AGBL1: variants seen among roughly 807,000 people sequenced by gnomAD.
AGBL1 encodes the protein AGBL carboxypeptidase 1.
Under a neutral mutation model 118.9 loss-of-function variants are expected in AGBL1, and 130 were observed. The ratio of observed to expected loss-of-function variants is 1.09; its 90% CI spans 0.95 to 1.26. The LOEUF (loss-of-function observed/expected upper bound fraction) is 1.26, where lower values mean the gene tolerates loss of function less well. Ranked by LOEUF, AGBL1 falls within the 50% of genes most tolerant of loss-of-function variation. The probability of loss-of-function intolerance (pLI) is 0.00; values close to 1 mark genes in which losing one functional copy is unlikely to be tolerated. For synonymous variants in AGBL1, 555 were observed against 478.9 expected (o/e 1.16, Z -2.08); for missense variants, 1,584 against 1,298.1 (o/e 1.22, Z -3.38).
chr15:86,752,677 C>T (rs1265226192), intron 22 of AGBL1, among the ~76,000 whole-genome samples: 1 of 152,078 alleles, frequency 6.6e-6, no homozygotes, highest in Non-Finnish European at 1.5e-5. Flanking sequence ...ATTTTTCAGA[C>T]TGACATTAAG....
chr15:86,975,523 C>G (rs533533374), intron 23 of AGBL1, among the ~76,000 whole-genome samples: 2 of 152,154 alleles, frequency 1.3e-5, no homozygotes, highest in South Asian at 4.1e-4. Flanking sequence ...CAAGCCATAT[C>G]AAAGACAAAG....
intron 22 of AGBL1, among the ~76,000 whole-genome samples, chr15:86,883,967 A>T (rs373654894): frequency 6.6e-6 from 1 of 152,168 alleles, no homozygotes; most frequent in South Asian, 2.1e-4. Flanking sequence ...GAAACTGCAG[A>T]TAGTACTGAA....
intron 21 of AGBL1, among the ~76,000 whole-genome samples, chr15:86,610,778 ACG>A (rs1054941328): frequency 1.3e-5 from 2 of 151,908 alleles, no homozygotes; most frequent in Non-Finnish European, 2.9e-5. Flanking sequence ...TTCCCTAATC[ACG>A]TATTTTTTTT....
intron 6 of AGBL1, among the ~76,000 whole-genome samples, chr15:86,234,535 A>G (rs911962297): frequency 1.5e-5 from 2 of 135,792 alleles, no homozygotes; most frequent in Non-Finnish European, 3.1e-5. Context: ...TGGGCGACAG[A>G]GTGAGACTCT....
chr15:86,823,118 C>T (rs920433609), intron 22 of AGBL1, among the ~76,000 whole-genome samples: 1 of 152,092 alleles, frequency 6.6e-6, no homozygotes, highest in Non-Finnish European at 1.5e-5. Flanking sequence ...GTAATGAAAC[C>T]TGGAGTCACC....
rs944215904 is a variant in AGBL1 at position 86,199,538 on chromosome 15, C to T, written c.489-25376C>T. ...TGCTGGATGGTCCCCGTCTGGTCCTCGTGCACCTGAAGTGCTAACTTCCCA... is the reference window on the plus strand; with the variant it reads ...TGCTGGATGGTCCCCGTCTGGTCCTTGTGCACCTGAAGTGCTAACTTCCCA... On this transcript the variant is annotated intron_variant, in intron 5 of 22. Coordinates refer to ENST00000614907, the MANE Select transcript of AGBL1 (RefSeq NM_001386094.1). 3.9e-5 allele frequency among the ~76,000 whole-genome samples: 6 copies of T among 152,342 alleles called. No homozygotes were observed. The South Asian group carries it at 6.2e-4, about 16-fold the overall frequency.
chr15:86,919,600 A>ACACACACG (rs1555463061), downstream of AGBL1, among the ~76,000 whole-genome samples: 9 of 148,342 alleles, frequency 6.1e-5, no homozygotes, highest in Middle Eastern at 3.5e-3. Context: ...ACACACACAC[A>ACACACACG]CACACACACA....
chr15:86,172,407 G>A (rs77226600), intron 5 of AGBL1, among the ~76,000 whole-genome samples: 2,453 of 152,096 alleles, frequency 0.016, 30 homozygotes, highest in East Asian at 0.071. Flanking sequence ...AATAGATATC[G>A]TTGTTACCTA....
At chr15:86,484,974 C>A (rs1195282041) in intron 18 of AGBL1, among the ~76,000 whole-genome samples, 3 of 152,174 alleles carry the variant, frequency 2.0e-5, no homozygotes, top group African/African-American at 7.2e-5. Context: ...TTCCCACTTG[C>A]TAGTGCTTTG....
intron 5 of AGBL1, among the ~76,000 whole-genome samples, chr15:86,183,297 T>C (rs1183841391): frequency 2.6e-5 from 4 of 152,210 alleles, no homozygotes; most frequent in African/African-American, 4.8e-5. Context: ...CTCTATGACA[T>C]ATCAGTAAGT....
intron 17 of AGBL1, among the ~76,000 whole-genome samples, chr15:86,350,834 C>T (rs569399171): frequency 4.6e-5 from 7 of 152,324 alleles, no homozygotes; most frequent in African/African-American, 1.7e-4. Flanking sequence ...ACTCTGGCAG[C>T]TTCTCTGTGA....
chr15:86,344,206 A>G (rs557459927), intron 17 of AGBL1, among the ~76,000 whole-genome samples: 153 of 152,336 alleles, frequency 1.0e-3, no homozygotes, highest in African/African-American at 3.6e-3. Context: ...AAAAAGCAGA[A>G]TTGTACCACG....
intron 22 of AGBL1, among the ~76,000 whole-genome samples, chr15:86,887,703 C>G (rs1318069361): frequency 6.6e-6 from 1 of 152,116 alleles, no homozygotes; most frequent in Non-Finnish European, 1.5e-5. Context: ...GTTCCATGCA[C>G]CTCACCAAGA....
At chr15:86,952,048 T>C (rs927922910) in intron 23 of AGBL1, among the ~76,000 whole-genome samples, 9 of 152,066 alleles carry the variant, frequency 5.9e-5, no homozygotes, top group African/African-American at 1.9e-4. Context: ...CTGGTCGACA[T>C]GGTGAAACCC....
intron 18 of AGBL1, among the ~76,000 whole-genome samples, chr15:86,475,294 C>T (rs937080117): frequency 8.6e-5 from 13 of 152,032 alleles, no homozygotes; most frequent in South Asian, 2.1e-4. Context: ...GAAGGAAGTT[C>T]GAACCCACTG....
intron 21 of AGBL1, among the ~76,000 whole-genome samples, chr15:86,666,672 T>C (rs2085650544): frequency 6.6e-6 from 1 of 152,132 alleles, no homozygotes; most frequent in African/African-American, 2.4e-5. Flanking sequence ...GCTGCTGTTA[T>C]TGATAATAAT....
chr15:86,427,087 A>C (rs1283431484), intron 18 of AGBL1, among the ~76,000 whole-genome samples: 1 of 152,166 alleles, frequency 6.6e-6, no homozygotes, highest in Non-Finnish European at 1.5e-5. Flanking sequence ...AATTTGAGTC[A>C]AATGGAGATC....
At chr15:86,841,766 G>A (rs1282999188) in intron 22 of AGBL1, among the ~76,000 whole-genome samples, 2 of 152,168 alleles carry the variant, frequency 1.3e-5, no homozygotes, top group Non-Finnish European at 2.9e-5. Flanking sequence ...AGAATCGCTT[G>A]AACCAGAGAG....
chr15:86,372,993 C>A (rs1004293683), intron 17 of AGBL1, among the ~76,000 whole-genome samples: 1 of 152,200 alleles, frequency 6.6e-6, no homozygotes, highest in Admixed American at 6.5e-5. Flanking sequence ...GTAACCCCTC[C>A]TTTTCTTCTT....
Sources: gnomAD v4.1 joint callset for allele counts (sites outside exome capture counted in the v4.1 genomes callset) on GRCh38, gnomAD v4.1.1 for gene constraint, MANE v1.5 for transcripts, NCBI Gene and HGNC (gene_info 2026-07-23, HGNC 2026-07-21) for gene names.